Variants in XYLT1 observed in about 807,000 individuals in gnomAD.
XYLT1 encodes beta-D-xylosyltransferase 1.
In XYLT1, 36 loss-of-function variants were observed where a neutral mutation model predicts 91.3. The observed-to-expected ratio is 0.39, with a 90% confidence interval of 0.30 to 0.52. The LOEUF (loss-of-function observed/expected upper bound fraction) is 0.52, where lower values mean the gene tolerates loss of function less well. Ranked by LOEUF, XYLT1 falls within the 20% of genes least tolerant of loss-of-function variation. The pLI is 0.68. For synonymous variants in XYLT1, 588 were observed against 532.0 expected, an observed-to-expected ratio of 1.11 and a Z score of -1.45; for missense variants, 1,242 against 1,284.5, an observed-to-expected ratio of 0.97 and a Z score of 0.51.
intron 1 of XYLT1, among the ~76,000 whole-genome samples, chr16:17,386,986 G>C (rs1006301287): frequency 2.6e-5 from 4 of 152,178 alleles, no homozygotes; most frequent in African/African-American, 9.7e-5. Flanking sequence ...TTGTCTCAAA[G>C]AGGGCACAGA....
At chr16:17,456,331 CCTT>C (rs1010689523) in intron 1 of XYLT1, among the ~76,000 whole-genome samples, 1 of 140,988 alleles carries the variant, frequency 7.1e-6, no homozygotes, top group African/African-American at 2.8e-5. Context: ...ACAGTACAAA[CCTT>C]TTTTTTTTTT....
chr16:17,370,106 C>CA (rs2035511443), intron 1 of XYLT1, among the ~76,000 whole-genome samples: 2 of 152,156 alleles, frequency 1.3e-5, no homozygotes, highest in African/African-American at 2.4e-5. Context: ...CAGGTCACAC[C>CA]AATTTTATAC....
chr16:17,145,260 G>A (rs774132472), intron 6 of XYLT1, among the ~76,000 whole-genome samples: 3 of 152,172 alleles, frequency 2.0e-5, no homozygotes, highest in Non-Finnish European at 4.4e-5. Flanking sequence ...ACCACATTTT[G>A]CTTTACTTTG....
chr16:17,311,013 G>A (rs1392156791), intron 2 of XYLT1, among the ~76,000 whole-genome samples: 1 of 152,152 alleles, frequency 6.6e-6, no homozygotes, highest in Non-Finnish European at 1.5e-5. Context: ...ACTTCCTTCT[G>A]CCTCCTTTCC....
At chr16:17,410,220 G>C (rs1186793224) in intron 1 of XYLT1, among the ~76,000 whole-genome samples, 1 of 152,200 alleles carries the variant, frequency 6.6e-6, no homozygotes, top group East Asian at 1.9e-4. Context: ...GTGTATTAGA[G>C]CCATAAGTGC....
At chr16:17,299,187 C>T (rs2034358123) in intron 2 of XYLT1, among the ~76,000 whole-genome samples, 1 of 152,116 alleles carries the variant, frequency 6.6e-6, no homozygotes, top group Admixed American at 6.5e-5. Flanking sequence ...TTTCTGGGCA[C>T]CTACTGCACT....
intron 2 of XYLT1, among the ~76,000 whole-genome samples, chr16:17,350,719 C>T (rs2035208801): frequency 6.6e-6 from 1 of 152,182 alleles, no homozygotes; most frequent in African/African-American, 2.4e-5. Context: ...AATTAATGGG[C>T]TGGAGACTCA....
intron 1 of XYLT1, among the ~76,000 whole-genome samples, chr16:17,366,110 A>C (rs997416469): frequency 5.3e-5 from 2 of 37,480 alleles, no homozygotes; most frequent in African/African-American, 1.5e-3. Context: ...ACTTGAAATC[A>C]TTCATTGCCA....
At chr16:17,458,940 G>T (rs2036779795) in intron 1 of XYLT1, among the ~76,000 whole-genome samples, 1 of 152,060 alleles carries the variant, frequency 6.6e-6, no homozygotes, top group Non-Finnish European at 1.5e-5. Flanking sequence ...CATCTGGGAT[G>T]TTGTCAGTGC....
At chr16:17,125,104 T>G (rs1242262732) in intron 10 of XYLT1, among the ~76,000 whole-genome samples, 1 of 152,216 alleles carries the variant, frequency 6.6e-6, no homozygotes, top group African/African-American at 2.4e-5. Context: ...GATTTCTTCT[T>G]GATTTGAATC....
chr16:17,187,565 T>TGAA (rs1597178049), intron 5 of XYLT1, among the ~76,000 whole-genome samples: 1 of 24,482 alleles, frequency 4.1e-5, no homozygotes, highest in Admixed American at 4.7e-4. Flanking sequence ...AAACGCTGTC[T>TGAA]CAAAAAAAAA....
At chr16:17,269,198 T>G (rs1470684639) in intron 2 of XYLT1, among the ~76,000 whole-genome samples, 1 of 152,088 alleles carries the variant, frequency 6.6e-6, no homozygotes, top group African/African-American at 2.4e-5. Flanking sequence ...ATTTATTTAT[T>G]TTTTGAGACA....
intron 5 of XYLT1, among the ~76,000 whole-genome samples, chr16:17,190,088 T>A (rs1275770766): frequency 3.3e-5 from 5 of 152,000 alleles, no homozygotes; most frequent in Non-Finnish European, 7.4e-5. Context: ...GCAAATCAAG[T>A]CCATAGATAC....
rs1362617451 is a variant in XYLT1 at position 17,105,666 on chromosome 16, G to A, written c.*3029C>T. 1 of 152,136 alleles carries A rather than the reference G, an allele frequency of 6.6e-6. No homozygotes were observed. Among genetic ancestry groups the A allele is most frequent in the Admixed American group, 6.5e-5 (1 of 15,268 alleles). The allele number at this position is 152,136 out of a possible 1,614,324, so 9.4% of individuals were successfully genotyped here. A position where few individuals can be genotyped will look rare whatever the true frequency, so the allele number is the denominator to read the frequency against. On this transcript the variant is annotated 3_prime_UTR_variant, in exon 12 of 12. Coordinates refer to ENST00000261381, the MANE Select transcript of XYLT1 (RefSeq NM_022166.4). ...CCTTCTCCACAAACCAATACCCCAA[G>A]GCCCACCTGTCAGCCTTCCTGAGTT... is the stretch of plus-strand genomic sequence containing the variant.
chr16:17,228,460 A>C (rs1300620553), intron 3 of XYLT1, among the ~76,000 whole-genome samples: 1 of 152,226 alleles, frequency 6.6e-6, no homozygotes, highest in Non-Finnish European at 1.5e-5. Flanking sequence ...TGGTGCATAC[A>C]AAATGGGCAC....
chr16:17,395,660 C>A (rs1487381754), intron 1 of XYLT1, among the ~76,000 whole-genome samples: 1 of 152,138 alleles, frequency 6.6e-6, no homozygotes, highest in Non-Finnish European at 1.5e-5. Flanking sequence ...ACACAGGTGC[C>A]CCTGTTAAAC....
Position 17,138,341 on chromosome 16 carries a change from T to C in XYLT1, c.1764+14A>G. On this transcript the variant is annotated intron_variant, in intron 8 of 11. Coordinates refer to ENST00000261381, the MANE Select transcript of XYLT1 (RefSeq NM_022166.4). Reference sequence around the variant, plus strand: ...CATCACTTAGGAGGCTGGCAGACCATGAGAAAGTCTCACCTGGAAGCGGTG... The same window carrying C: ...CATCACTTAGGAGGCTGGCAGACCACGAGAAAGTCTCACCTGGAAGCGGTG... The C allele has an allele frequency of 6.2e-7, 1 of 1,604,958 alleles. No homozygotes were observed. Among genetic ancestry groups the C allele is most frequent in the Non-Finnish European group, 8.5e-7 (1 of 1,173,032 alleles).
intron 2 of XYLT1, among the ~76,000 whole-genome samples, chr16:17,345,555 G>A (rs191276683): frequency 1.3e-5 from 2 of 152,346 alleles, no homozygotes; most frequent in East Asian, 3.9e-4. Context: ...TGACAAGAGG[G>A]TGTCTCCAGC....
At chr16:17,157,765 T>C (rs1240032864) in intron 6 of XYLT1, among the ~76,000 whole-genome samples, 1 of 152,136 alleles carries the variant, frequency 6.6e-6, no homozygotes, top group East Asian at 1.9e-4. Flanking sequence ...TGTTTTCTTT[T>C]TTAGATGGAG....
Sources: gnomAD v4.1 joint callset for allele counts (sites outside exome capture counted in the v4.1 genomes callset) on GRCh38, gnomAD v4.1.1 for gene constraint, MANE v1.5 for transcripts, NCBI Gene and HGNC (gene_info 2026-07-23, HGNC 2026-07-21) for gene names.